The following ZKSCAN1 variants were observed in gnomAD, a reference collection of about 807,000 sequenced individuals.
ZKSCAN1 encodes zinc finger with KRAB and SCAN domains 1.
In ZKSCAN1, 14 loss-of-function variants were observed where a neutral mutation model predicts 51.6. The ratio of observed to expected loss-of-function variants is 0.27; its 90% confidence interval spans 0.18 to 0.42. The LOEUF is 0.42. Among genes scored for constraint, ZKSCAN1 ranks in the 10% least tolerant of loss-of-function variants. The pLI is 1.00. For synonymous variants in ZKSCAN1, 263 were observed against 261.5 expected (o/e 1.01, Z -0.06); for missense variants, 531 against 710.0 (o/e 0.75, Z 2.86).
At chr7:100,027,189 C>T (rs762669460) in intron 3 of ZKSCAN1, among the ~76,000 whole-genome samples, 1 of 151,536 alleles carries the variant, frequency 6.6e-6, no homozygotes, top group Non-Finnish European at 1.5e-5. Context: ...CGCAGCTACT[C>T]AGGAGGCTGA....
intron 2 of ZKSCAN1, 106 bp downstream of exon 2, chr7:100,024,038 T>A (rs927759138): frequency 7.4e-5 from 113 of 1,522,468 alleles, no homozygotes; most frequent in Non-Finnish European, 9.6e-5. Context: ...TACTCTGTCT[T>A]AAAAATGTTC....
chr7:100,029,725 G>A, intron 3 of ZKSCAN1, 136 bp from the exon 4 acceptor site: 1 of 751,026 alleles, frequency 1.3e-6, no homozygotes, highest in South Asian at 1.9e-5. Flanking sequence ...CGTTTGTGTT[G>A]TCTGGAATTC....
chr7:100,029,635 T>C (rs1051083714), intron 3 of ZKSCAN1, among the ~76,000 whole-genome samples: 1 of 152,078 alleles, frequency 6.6e-6, no homozygotes, highest in African/African-American at 2.4e-5. Context: ...AATAAAAGGG[T>C]TGGACCAGGT....
At position 100,038,036 on chromosome 7, in the gene ZKSCAN1, C is replaced by CG. The variant is rs898136745; in HGVS notation, c.*3846dup. The CG allele has an allele frequency of 9.9e-5, 97 of 984,158 alleles. No individual in the cohort carries two copies. The highest frequency in any genetic ancestry group is 1.4e-4 in the South Asian group (3 of 21,246). 61.0% of individuals were successfully genotyped at this position (984,158 alleles called of 1,614,324 possible). A position where few individuals can be genotyped will look rare whatever the true frequency, so the allele number is the denominator to read the frequency against. On this transcript the variant is annotated 3_prime_UTR_variant, in exon 6 of 6. Transcript: ENST00000324306. ...GGCTCTGTATCAAAAAAAAAAGTTG[C>CG]GGGGGGGTGCTCAATCTTAACTGCA...
intron 1 of ZKSCAN1, chr7:100,019,337 G>C (rs1294060900): frequency 6.6e-6 from 1 of 152,250 alleles, no homozygotes; most frequent in Admixed American, 6.5e-5. Flanking sequence ...CTCCCGAGTA[G>C]CTGAGATTAC....
chr7:100,043,015 T>G (rs1218699973), downstream of ZKSCAN1, among the ~76,000 whole-genome samples: 2 of 152,050 alleles, frequency 1.3e-5, no homozygotes, highest in African/African-American at 4.8e-5. Context: ...TTAGCCAGGA[T>G]GGTCTCGATC....
At chr7:100,025,846 G>A (rs1382986064) in intron 3 of ZKSCAN1, among the ~76,000 whole-genome samples, 1 of 152,208 alleles carries the variant, frequency 6.6e-6, no homozygotes, top group Non-Finnish European at 1.5e-5. Context: ...AGCACTTTGG[G>A]AGGCCAAGGT....
chr7:100,030,234 C>T lies in ZKSCAN1; in HGVS notation c.673-15C>T, dbSNP rs1166070128. The T allele has an allele frequency of 1.9e-6, 3 of 1,611,490 alleles. No homozygotes were observed. Among genetic ancestry groups the T allele is most frequent in the Admixed American group, 1.7e-5 (1 of 59,916 alleles). The stretch of plus-strand genomic sequence containing the variant: ...AGTTTGGGGGGAAATGACTGTTTGT[C>T]TCGTGTTATTTTAGGCAATGGTGAA... On this transcript the variant is annotated splice_polypyrimidine_tract_variant and intron_variant, in intron 4 of 5. Transcript: ENST00000324306.
Position 100,039,428 on chromosome 7 carries a change from T to C in ZKSCAN1, c.*5231T>C. The stretch of plus-strand genomic sequence containing the variant: ...GTCGTGGCATTGCAAGAAGTCTGTC[T>C]GATGAAGCTCGGGAAGCATTTTGCA... On this transcript the variant is annotated 3_prime_UTR_variant, in exon 6 of 6. Transcript: ENST00000324306. The C allele has an allele frequency of 1.0e-6, 1 of 985,438 alleles. No homozygotes were observed. Among genetic ancestry groups the C allele is most frequent in the South Asian group, 4.7e-5 (1 of 21,280 alleles). The allele number at this position is 985,438 out of a possible 1,614,324, so 61.0% of individuals were successfully genotyped here.
rs1439315593 is a variant in ZKSCAN1 at position 100,034,750 on chromosome 7, A to G, written c.*553A>G. The G allele has an allele frequency of 1.1e-5, 2 of 184,864 alleles. No individual in the cohort carries two copies. Among genetic ancestry groups the G allele is most frequent in the Non-Finnish European group, 2.1e-5 (2 of 97,262 alleles). The allele number at this position is 184,864 out of a possible 1,614,324, so 11.5% of individuals were successfully genotyped here. On this transcript the variant is annotated 3_prime_UTR_variant, in exon 6 of 6. Transcript: ENST00000324306. ...TAGCCTACCAAAGCTGTAGAAATCT[A>G]GGACTGTGCTAATCAGTATCAAACC...
chr7:100,017,209 C>T (rs1478011733), intron 1 of ZKSCAN1, among the ~76,000 whole-genome samples: 2 of 151,664 alleles, frequency 1.3e-5, no homozygotes, highest in Non-Finnish European at 2.9e-5. Context: ...GGGCAAAGGG[C>T]AATTTATTTA....
Position 100,034,646 on chromosome 7 carries a change from A to T in ZKSCAN1, c.*449A>T. The T allele has an allele frequency of 1.2e-6, 1 of 839,708 alleles. No homozygotes were observed. Among genetic ancestry groups the T allele is most frequent in the Non-Finnish European group, 1.4e-6 (1 of 694,788 alleles). The allele number at this position is 839,708 out of a possible 1,614,324, so 52.0% of individuals were successfully genotyped here. A position where few individuals can be genotyped will look rare whatever the true frequency, so the allele number is the denominator to read the frequency against. On this transcript the variant is annotated 3_prime_UTR_variant, in exon 6 of 6. Coordinates refer to ENST00000324306, the MANE Select transcript of ZKSCAN1 (RefSeq NM_003439.4). The stretch of plus-strand genomic sequence containing the variant: ...CCTGCTTATTTCTCAAAAAAGAGGG[A>T]CAGTGAAAACAAAAACGACATTGGG...
rs1219847364 is a variant in ZKSCAN1 at position 100,035,250 on chromosome 7, G to A, written c.*1053G>A. ...CTAAAGAGGACCTTCGTAGCCACAA[G>A]GCATGCTAAACCTCTAGGGTCTGAT... On this transcript the variant is annotated 3_prime_UTR_variant, in exon 6 of 6. Coordinates refer to ENST00000324306, the MANE Select transcript of ZKSCAN1 (RefSeq NM_003439.4). 4.6e-5 allele frequency: 7 copies of A among 152,182 alleles called. No individual in the cohort carries two copies. The highest frequency in any genetic ancestry group is 4.6e-4 in the Admixed American group (7 of 15,278). The allele number at this position is 152,182 out of a possible 1,614,324, so 9.4% of individuals were successfully genotyped here.
intron 3 of ZKSCAN1, among the ~76,000 whole-genome samples, chr7:100,026,415 C>G (rs1258506048): frequency 6.6e-6 from 1 of 151,836 alleles, no homozygotes; most frequent in African/African-American, 2.4e-5. Context: ...CTAAATTTAT[C>G]TTTAAAATTT....
rs887832455 is a variant in ZKSCAN1, at chr7:100,033,195, T to C, written c.800-110T>C. ...TCAAAGGAAATAAAAATAAAAATATTGCAAAGTCATTTTGCAGCCGTGTAG... is the reference window on the plus strand; with the variant it reads ...TCAAAGGAAATAAAAATAAAAATATCGCAAAGTCATTTTGCAGCCGTGTAG... On this transcript the variant is annotated intron_variant, in intron 5 of 5. Coordinates refer to ENST00000324306, the MANE Select transcript of ZKSCAN1 (RefSeq NM_003439.4). This position sits in a 1 kb window ranked among gnomAD's most constrained non-coding sequence, Gnocchi z 4.1. 1 of 1,446,504 alleles carries C rather than the reference T, an allele frequency of 6.9e-7. No individual in the cohort carries two copies. The highest frequency in any genetic ancestry group is 9.1e-7 in the Non-Finnish European group (1 of 1,103,250). The allele number at this position is 1,446,504 out of a possible 1,614,324, so 89.6% of individuals were successfully genotyped here.
Position 100,023,473 on chromosome 7 carries a change from C to G in ZKSCAN1, c.-34C>G. 1 of 1,584,108 alleles carries G rather than the reference C, an allele frequency of 6.3e-7. No homozygotes were observed. The highest frequency in any genetic ancestry group is 8.6e-7 in the Non-Finnish European group (1 of 1,166,734). ...CCCAGGACATAAAGGTGAGCACAGA[C>G]CCTGTTTGGATCAAGTCAGTTCCTG... On this transcript the variant is annotated 5_prime_UTR_variant, in exon 2 of 6. Transcript: ENST00000324306.
Position 100,038,460 on chromosome 7 carries a change from G to A in ZKSCAN1, c.*4263G>A. 3.0e-6 allele frequency: 3 copies of A among 985,398 alleles called. No individual in the cohort carries two copies. The highest frequency in any genetic ancestry group is 3.6e-6 in the Non-Finnish European group (3 of 829,920). The allele number at this position is 985,398 out of a possible 1,614,324, so 61.0% of individuals were successfully genotyped here. A position where few individuals can be genotyped will look rare whatever the true frequency, so the allele number is the denominator to read the frequency against. On this transcript the variant is annotated 3_prime_UTR_variant, in exon 6 of 6. Coordinates refer to ENST00000324306, the MANE Select transcript of ZKSCAN1 (RefSeq NM_003439.4). ...GACAGGCTAATGGGGCACTGAAATG[G>A]AACAACTCCTTTAAACGTGCAGCCT...
chr7:100,044,638 G>A (rs1365170400), downstream of ZKSCAN1: 10 of 334,882 alleles, frequency 3.0e-5, no homozygotes, highest in Non-Finnish European at 4.2e-5. Context: ...CTGAGATCGT[G>A]CCACTGCACT....
downstream of ZKSCAN1, among the ~76,000 whole-genome samples, chr7:100,043,831 G>A (rs1237428142): frequency 3.1e-5 from 4 of 129,162 alleles, no homozygotes; most frequent in Non-Finnish European, 1.6e-5. Flanking sequence ...TGCCCAAGCT[G>A]GAGGGCATGA....
Sources: allele counts gnomAD v4.1 joint callset (sites outside exome capture counted in the v4.1 genomes callset), GRCh38; gene constraint gnomAD v4.1.1; non-coding constraint Gnocchi (gnomAD v3.1); transcripts MANE v1.5; gene names NCBI Gene and HGNC (gene_info 2026-07-23, HGNC 2026-07-21).